The following ADAT2 variants were observed in gnomAD, a reference collection of about 807,000 sequenced individuals.
ADAT2 encodes adenosine deaminase tRNA specific 2, also known as tRNA-specific adenosine-34 deaminase catalytic subunit ADAT2.
A neutral mutation model predicts 25.9 loss-of-function variants in ADAT2; 26 were observed. The ratio of observed to expected loss-of-function variants is 1.00; its 90% CI spans 0.74 to 1.39. The LOEUF (loss-of-function observed/expected upper bound fraction) is 1.39, where lower values mean the gene tolerates loss of function less well. Among genes scored for constraint, ADAT2 ranks in the 40% most tolerant of loss-of-function variants. ADAT2 has a pLI of 0.00. For missense variants in ADAT2, 220 were observed against 244.8 expected (o/e 0.90, Z 0.68); for synonymous variants, 76 against 86.8 (o/e 0.88, Z 0.69).
rs967928346 is a variant in ADAT2 at position 143,436,635 on chromosome 6, G to A, written c.201+1955C>T. The A allele has an allele frequency of 7.8e-6, 3 of 383,778 alleles. No homozygotes were observed. Among genetic ancestry groups the A allele is most frequent in the African/African-American group, 4.3e-5 (2 of 46,996 alleles). The allele number at this position is 383,778 out of a possible 1,614,324, so 23.8% of individuals were successfully genotyped here. The stretch of plus-strand genomic sequence containing the variant: ...GCAACATGAATGACCTGGTATCAGA[G>A]TACCAACAGTATCAGGATGCCACTG... On this transcript the variant is annotated intron_variant, in intron 2 of 5. Coordinates refer to ENST00000237283, the MANE Select transcript of ADAT2 (RefSeq NM_182503.3). This position sits in a 1 kb window ranked among gnomAD's most constrained non-coding sequence, Gnocchi z 4.1.
intron 1 of ADAT2, among the ~76,000 whole-genome samples, chr6:143,441,187 T>C (rs1468349924): frequency 2.6e-5 from 4 of 152,306 alleles, no homozygotes; most frequent in East Asian, 1.9e-4. Flanking sequence ...ATGTTTGTGA[T>C]AATTTGTTAC....
intron 1 of ADAT2, among the ~76,000 whole-genome samples, chr6:143,448,406 T>A (rs1031860966): frequency 1.3e-5 from 2 of 151,952 alleles, no homozygotes; most frequent in East Asian, 1.9e-4. Flanking sequence ...TATAATAATT[T>A]AAAAAAAGTA....
In ADAT2 at chr6:143,427,299, C is replaced by T. The variant is rs1778966073; in HGVS notation, c.*1164G>A. 1 of 152,612 alleles carries T rather than the reference C, an allele frequency of 6.6e-6. No individual in the cohort carries two copies. The highest frequency in any genetic ancestry group is 1.5e-5 in the Non-Finnish European group (1 of 68,046). The allele number at this position is 152,612 out of a possible 1,614,324, so 9.5% of individuals were successfully genotyped here. A position where few individuals can be genotyped will look rare whatever the true frequency, so the allele number is the denominator to read the frequency against. On this transcript the variant is annotated 3_prime_UTR_variant, in exon 6 of 6. Coordinates refer to ENST00000237283, the MANE Select transcript of ADAT2 (RefSeq NM_182503.3). ...ATGACAGAACCAACAAATACAGATGCTTTGCATCAAGGAAATGAATCTACT... is the reference window on the plus strand; with the variant it reads ...ATGACAGAACCAACAAATACAGATGTTTTGCATCAAGGAAATGAATCTACT...
chr6:143,431,230 C>T lies in ADAT2; in HGVS notation c.459+1275G>A, dbSNP rs138679400. ...GCTAGGTATATACACTGCAAATGAA[C>T]TTGTTTTGGTTCTGCTGCATCGACT... On this transcript the variant is annotated intron_variant, in intron 4 of 5. Coordinates refer to ENST00000237283, the MANE Select transcript of ADAT2 (RefSeq NM_182503.3). 3.1e-3 allele frequency among the ~76,000 whole-genome samples: 467 copies of T among 152,336 alleles called. 3 individuals are homozygous for T. The highest frequency in any genetic ancestry group is 4.3e-3 in the Non-Finnish European group (295 of 68,026).
At chr6:143,439,587 A>G (rs1310096516) in intron 1 of ADAT2, among the ~76,000 whole-genome samples, 1 of 152,210 alleles carries the variant, frequency 6.6e-6, no homozygotes, top group Non-Finnish European at 1.5e-5. Context: ...ACACAAAAGC[A>G]CACATACTAT....
At position 143,446,566 on chromosome 6, in the gene ADAT2, G is replaced by A. The variant is rs1287518473; in HGVS notation, c.96+3997C>T. On this transcript the variant is annotated intron_variant, in intron 1 of 5. Transcript: ENST00000237283. This position sits in a 1 kb window ranked among gnomAD's most constrained non-coding sequence, Gnocchi z 5.0. Reference sequence around the variant, plus strand: ...AAAGTATATGCCTCGGCAATTCACAGAAGAAAAAAATCTAAATGTTCAATT... The same window carrying A: ...AAAGTATATGCCTCGGCAATTCACAAAAGAAAAAAATCTAAATGTTCAATT... Among the ~76,000 whole-genome samples, 2 of 151,706 alleles carry A rather than the reference G, an allele frequency of 1.3e-5. No individual in the cohort carries two copies. Among genetic ancestry groups the A allele is most frequent in the Non-Finnish European group, 2.9e-5 (2 of 67,934 alleles).
rs1562637746 is a variant in ADAT2 at position 143,432,591 on chromosome 6, C to T, written c.373G>A (p.Gly125Ser). The change falls in exon 4 of 6, where the codon GGC becomes AGC. Residue 125 changes from glycine to serine, a missense_variant. Coordinates refer to ENST00000237283, the MANE Select transcript of ADAT2 (RefSeq NM_182503.3). This position sits in a 1 kb window ranked among gnomAD's most constrained non-coding sequence, Gnocchi z 4.4. ...CCACCAAATCGTTCATTCTGACAGC[C>T]ATATACAACCAGCGGGATTTATAAG... ...RLMKIPLVVY[G>S]CQNERFGGCG... 1 of 1,614,180 alleles carries T rather than the reference C, an allele frequency of 6.2e-7. No individual in the cohort carries two copies. Among genetic ancestry groups the T allele is most frequent in the East Asian group, 2.2e-5 (1 of 44,882 alleles).
chr6:143,449,651 TAAGATTATAATGGAGCTGAA>T (rs1261599730), intron 1 of ADAT2, among the ~76,000 whole-genome samples: 1 of 152,200 alleles, frequency 6.6e-6, no homozygotes, highest in Non-Finnish European at 1.5e-5. Flanking sequence ...TGTGGTCCTA[TAAGATTATAATGGAGCTGAA>T]AAGTGCTAGC....
At chr6:143,445,093 C>A in intron 1 of ADAT2, 1 of 320,552 alleles carries the variant, frequency 3.1e-6, no homozygotes, top group South Asian at 4.9e-5. Context: ...TGAGTGATTA[C>A]TCTCTGAGTA....
Position 143,428,826 on chromosome 6 carries a change from GGAGGTACACT to G in ADAT2, c.460-152_460-143del, listed in dbSNP as rs1278881985. ...TTGGGGATATTAGTAACATGGGTAA[GGAGGTACACT>G]TCCAAAAGATGTTTGATATATCATC... On this transcript the variant is annotated intron_variant, in intron 4 of 5. Coordinates refer to ENST00000237283, the MANE Select transcript of ADAT2 (RefSeq NM_182503.3). The surrounding 1 kb of genome is among the most constrained non-coding windows in gnomAD (Gnocchi z 5.0). 1.4e-6 allele frequency: 1 copy of G among 731,576 alleles called. No individual in the cohort carries two copies. The highest frequency in any genetic ancestry group is 2.2e-6 in the Non-Finnish European group (1 of 454,860). The allele number at this position is 731,576 out of a possible 1,614,324, so 45.3% of individuals were successfully genotyped here. A position where few individuals can be genotyped will look rare whatever the true frequency, so the allele number is the denominator to read the frequency against.
intron 1 of ADAT2, among the ~76,000 whole-genome samples, chr6:143,445,466 C>G (rs1372369350): frequency 6.6e-6 from 1 of 152,130 alleles, no homozygotes; most frequent in African/African-American, 2.4e-5. Flanking sequence ...AAACAAAGTT[C>G]TTGATTTCTT....
chr6:143,435,562 G>A (rs1229815428), intron 2 of ADAT2, among the ~76,000 whole-genome samples: 1 of 152,192 alleles, frequency 6.6e-6, no homozygotes, highest in Non-Finnish European at 1.5e-5. Context: ...TGTTAGGACA[G>A]TCAAAGTTCT....
chr6:143,436,127 C>G lies in ADAT2; in HGVS notation c.202-2146G>C, dbSNP rs1409565478. ...AGAATATGGCAAAATTTTAATAGTT[C>G]TGCATAGAGAAATGAGATAGAACTG... On this transcript the variant is annotated intron_variant, in intron 2 of 5. Transcript: ENST00000237283. This position sits in a 1 kb window ranked among gnomAD's most constrained non-coding sequence, Gnocchi z 4.1. 6.6e-6 allele frequency: 1 copy of G among 152,456 alleles called. No homozygotes were observed. Among genetic ancestry groups the G allele is most frequent in the African/African-American group, 2.4e-5 (1 of 41,440 alleles). 9.4% of individuals were successfully genotyped at this position (152,456 alleles called of 1,614,324 possible).
intron 4 of ADAT2, among the ~76,000 whole-genome samples, chr6:143,430,411 G>A (rs2128738808): frequency 6.6e-6 from 1 of 152,306 alleles, no homozygotes; most frequent in African/African-American, 2.4e-5. Flanking sequence ...AAGCCTCCAG[G>A]TGATTCTAAC....
chr6:143,438,120 A>G (rs1323640994), intron 2 of ADAT2, among the ~76,000 whole-genome samples: 5 of 152,194 alleles, frequency 3.3e-5, no homozygotes, highest in Admixed American at 1.3e-4. Flanking sequence ...CTATACATTG[A>G]GGATACTTTT....
chr6:143,445,778 C>T (rs1231552323), intron 1 of ADAT2, among the ~76,000 whole-genome samples: 1 of 152,124 alleles, frequency 6.6e-6, no homozygotes, highest in Non-Finnish European at 1.5e-5. Flanking sequence ...CCTATGCACC[C>T]AGCACAAGGT....
intron 4 of ADAT2, among the ~76,000 whole-genome samples, chr6:143,429,340 C>T (rs1377391520): frequency 6.6e-6 from 1 of 152,168 alleles, no homozygotes; most frequent in Admixed American, 6.5e-5. Flanking sequence ...AGTTTATCAA[C>T]CCTTGCTACA....
intron 1 of ADAT2, chr6:143,449,729 T>A (rs1391823105): frequency 6.6e-6 from 1 of 152,180 alleles, no homozygotes; most frequent in Non-Finnish European, 1.5e-5. Flanking sequence ...TATGTAAATG[T>A]ATTTACATGT....
At chr6:143,439,502 C>A (rs1358465228) in intron 1 of ADAT2, among the ~76,000 whole-genome samples, 3 of 152,024 alleles carry the variant, frequency 2.0e-5, no homozygotes, top group Non-Finnish European at 4.4e-5. Flanking sequence ...GAATACTAGT[C>A]GGCAATAAAA....
Sources: allele counts gnomAD v4.1 joint callset (sites outside exome capture counted in the v4.1 genomes callset), GRCh38; gene constraint gnomAD v4.1.1; non-coding constraint Gnocchi (gnomAD v3.1); transcripts MANE v1.5; gene names NCBI Gene and HGNC (gene_info 2026-07-23, HGNC 2026-07-21).